Variants in NHLRC2 observed in about 807,000 individuals in gnomAD.
NHLRC2 encodes the protein NHL repeat-containing protein 2.
A neutral mutation model predicts 68.1 loss-of-function variants in NHLRC2; 33 were observed. That is an observed-to-expected ratio of 0.48 (90% CI 0.37 to 0.65). NHLRC2 has a LOEUF of 0.65. NHLRC2 is among the 30% of genes least tolerant of loss of function. NHLRC2 has a pLI of 0.00. For synonymous variants in NHLRC2, 311 were observed against 309.6 expected, an observed-to-expected ratio of 1.00 and a Z score of -0.05; for missense variants, 761 against 853.8, an observed-to-expected ratio of 0.89 and a Z score of 1.35.
At chr10:113,907,156 T>C (rs1326587066) in intron 10 of NHLRC2, among the ~76,000 whole-genome samples, 1 of 152,232 alleles carries the variant, frequency 6.6e-6, no homozygotes, top group Admixed American at 6.5e-5. Flanking sequence ...TTTGTACTTA[T>C]CTCTCTAGAT....
At position 113,902,466 on chromosome 10, in the gene NHLRC2, T is replaced by G. The variant is rs1846237495; in HGVS notation, c.1372-5T>G. Reference sequence around the variant, plus strand: ...CTGTTTCTTTTCTTTTAAAAAAAATTAAAGAATTTATTTGCTTTTGGTGAT... The same window carrying G: ...CTGTTTCTTTTCTTTTAAAAAAAATGAAAGAATTTATTTGCTTTTGGTGAT... On this transcript the variant is annotated splice_polypyrimidine_tract_variant and splice_region_variant and intron_variant, in intron 7 of 10. Transcript: ENST00000369301. The G allele has an allele frequency of 6.5e-7, 1 of 1,543,090 alleles. No homozygotes were observed. Among genetic ancestry groups the G allele is most frequent in the Non-Finnish European group, 8.7e-7 (1 of 1,143,914 alleles).
chr10:113,894,165 A>G (rs1046047867), intron 5 of NHLRC2, among the ~76,000 whole-genome samples: 3 of 152,202 alleles, frequency 2.0e-5, no homozygotes, highest in Non-Finnish European at 4.4e-5. Flanking sequence ...TCCAAGGCTT[A>G]TGACCTGAGA....
At chr10:113,882,947 G>A (rs1383850488) in intron 4 of NHLRC2, among the ~76,000 whole-genome samples, 1 of 151,740 alleles carries the variant, frequency 6.6e-6, no homozygotes, top group African/African-American at 2.4e-5. Flanking sequence ...CCAAAAGACT[G>A]TTCTTTCTCC....
intron 2 of NHLRC2, among the ~76,000 whole-genome samples, chr10:113,873,253 C>T (rs1213175805): frequency 6.6e-6 from 1 of 152,136 alleles, no homozygotes; most frequent in Non-Finnish European, 1.5e-5. Flanking sequence ...ATACTGTGCA[C>T]ATGTGCCCTT....
intron 10 of NHLRC2, among the ~76,000 whole-genome samples, chr10:113,906,747 T>C (rs1162272436): frequency 6.6e-6 from 1 of 152,220 alleles, no homozygotes; most frequent in Non-Finnish European, 1.5e-5. Context: ...CCCAGCACTT[T>C]GGGAGACAGA....
chr10:113,881,289 T>C (rs1020198632), intron 4 of NHLRC2, among the ~76,000 whole-genome samples: 62 of 151,916 alleles, frequency 4.1e-4, no homozygotes, highest in African/African-American at 1.2e-3. Flanking sequence ...GTATTGACCA[T>C]GTGCTCCATT....
At position 113,908,439 on chromosome 10, in the gene NHLRC2, C is replaced by G. The variant is rs1846294616; in HGVS notation, c.2084C>G (p.Ala695Gly). 2 of 1,613,768 alleles carry G rather than the reference C, an allele frequency of 1.2e-6. No homozygotes were observed. Among genetic ancestry groups the G allele is most frequent in the Non-Finnish European group, 1.7e-6 (2 of 1,179,718 alleles). ...FLYYCSADSSACMMKAILFSQ... is the reference protein window; with the variant it reads ...FLYYCSADSSGCMMKAILFSQ... ...TATTACTGTAGTGCAGACAGCAGTG[C>G]TTGTATGATGAAGGCAATTTTGTTC... The change falls in exon 11 of 11, where the codon GCT (alanine) becomes GGT (glycine). Residue 695 changes from alanine (A) to glycine (G), a missense_variant. Physicochemically the swap from Ala to Gly is moderately conservative, Grantham distance 60. Coordinates refer to ENST00000369301, the MANE Select transcript of NHLRC2 (RefSeq NM_198514.4).
chr10:113,860,180 G>C (rs1845801968), intron 2 of NHLRC2, among the ~76,000 whole-genome samples: 1 of 152,096 alleles, frequency 6.6e-6, no homozygotes, highest in Non-Finnish European at 1.5e-5. Flanking sequence ...TTTTTTAGTA[G>C]ACGGATGACA....
At chr10:113,865,265 T>TA (rs1410651019) in intron 2 of NHLRC2, among the ~76,000 whole-genome samples, 1 of 151,100 alleles carries the variant, frequency 6.6e-6, no homozygotes, top group Non-Finnish European at 1.5e-5. Flanking sequence ...GAGAGGTTTT[T>TA]AAAAATCGCT....
chr10:113,882,115 A>G (rs193066539), intron 4 of NHLRC2, among the ~76,000 whole-genome samples: 3 of 151,680 alleles, frequency 2.0e-5, no homozygotes, highest in East Asian at 3.8e-4. Flanking sequence ...TGTTTTGGCT[A>G]TTTTGTATAT....
chr10:113,873,488 C>T (rs1436929090), intron 2 of NHLRC2, among the ~76,000 whole-genome samples: 7 of 152,128 alleles, frequency 4.6e-5, no homozygotes, highest in African/African-American at 1.7e-4. Flanking sequence ...TGTGGAGCTA[C>T]ATGGCTAACT....
chr10:113,873,089 CAAAT>C (rs1274668097), intron 2 of NHLRC2, among the ~76,000 whole-genome samples: 10 of 152,126 alleles, frequency 6.6e-5, no homozygotes, highest in African/African-American at 2.4e-4. Flanking sequence ...ATGCTTTTCA[CAAAT>C]AACGTACAAA....
intron 5 of NHLRC2, among the ~76,000 whole-genome samples, chr10:113,892,632 A>G (rs1276847788): frequency 1.3e-5 from 2 of 152,096 alleles, no homozygotes; most frequent in Admixed American, 6.5e-5. Flanking sequence ...GATAGACATT[A>G]TAAATGCCAG....
intron 4 of NHLRC2, among the ~76,000 whole-genome samples, chr10:113,880,626 T>C (rs1846028979): frequency 6.6e-6 from 1 of 151,918 alleles, no homozygotes. Flanking sequence ...TTTTCACTTA[T>C]ATACACATAG....
rs1846061449 is a variant in NHLRC2 at position 113,884,280 on chromosome 10, T to C, written c.939T>C (p.Thr313=). ...ACCTAGAAGCTGAGAAGGTGAGCAC[T>C]GTAGCTGGTATTGGAATTCAAGGTA... ...KIDLEAEKVS[T]VAGIGIQGTD... Residue 313 remains threonine (T), a synonymous_variant, in exon 5 of 11, where the codon ACT becomes ACC. Coordinates refer to ENST00000369301, the MANE Select transcript of NHLRC2 (RefSeq NM_198514.4). The C allele has an allele frequency of 1.2e-6, 2 of 1,610,582 alleles. No homozygotes were observed. Among genetic ancestry groups the C allele is most frequent in the African/African-American group, 1.3e-5 (1 of 74,816 alleles).
At chr10:113,877,116 T>A (rs1845991022) in intron 3 of NHLRC2, 140 bp downstream of exon 3, 1 of 524,948 alleles carries the variant, frequency 1.9e-6, no homozygotes, top group Admixed American at 3.8e-5. Context: ...CTAATAAAAA[T>A]TTTTTGTTAA....
At chr10:113,890,782 C>T (rs1324287027) in intron 5 of NHLRC2, among the ~76,000 whole-genome samples, 3 of 152,236 alleles carry the variant, frequency 2.0e-5, no homozygotes, top group Admixed American at 2.0e-4. Flanking sequence ...CATTCTCATA[C>T]TGCTATAAAG....
intron 3 of NHLRC2, among the ~76,000 whole-genome samples, chr10:113,878,433 T>C (rs1356166096): frequency 6.6e-6 from 1 of 152,246 alleles, no homozygotes; most frequent in East Asian, 1.9e-4. Context: ...AGTTCCATTT[T>C]ACAGAAGTAA....
intron 2 of NHLRC2, among the ~76,000 whole-genome samples, chr10:113,859,248 A>C (rs1845792799): frequency 1.3e-5 from 2 of 152,140 alleles, no homozygotes; most frequent in African/African-American, 4.8e-5. Flanking sequence ...AAGATGTAGG[A>C]GATTATACTT....
Sources: gnomAD v4.1 joint callset for allele counts (sites outside exome capture counted in the v4.1 genomes callset) on GRCh38, gnomAD v4.1.1 for gene constraint, MANE v1.5 for transcripts, NCBI Gene and HGNC (gene_info 2026-07-23, HGNC 2026-07-21) for gene names.